ARHGAP24: variants seen among roughly 807,000 people sequenced by gnomAD.
ARHGAP24 encodes the protein Rho GTPase activating protein 24.
A neutral mutation model predicts 76.4 loss-of-function variants in ARHGAP24; 50 were observed. The ratio of observed to expected loss-of-function variants is 0.65; its 90% CI spans 0.52 to 0.83. The LOEUF is 0.83. Ranked by LOEUF, ARHGAP24 falls within the 40% of genes least tolerant of loss-of-function variation. ARHGAP24 has a pLI of 0.00. For synonymous variants in ARHGAP24, 345 were observed against 323.3 expected (o/e 1.07, Z -0.72); for missense variants, 930 against 914.2 (o/e 1.02, Z -0.22).
At chr4:85,775,150 G>A (rs953538077) in intron 3 of ARHGAP24, among the ~76,000 whole-genome samples, 5 of 152,110 alleles carry the variant, frequency 3.3e-5, no homozygotes, top group Admixed American at 3.3e-4. Context: ...TGGGGAAATG[G>A]GATAGAGGGT....
rs1723405078 is a variant in ARHGAP24, at chr4:85,492,647, C to CTA, written c.-21+17090_-21+17091dup. On this transcript the variant is annotated intron_variant, in intron 1 of 9. Transcript: ENST00000395184. ...TGATACTTATTGCTACTGAGATTTA[C>CTA]TATCAAAGAGAGTCACTATTCAGTG... Among the ~76,000 whole-genome samples the CTA allele has an allele frequency of 5.3e-5, 8 of 152,210 alleles. No homozygotes were observed. In the South Asian group the frequency reaches 1.7e-3, roughly 32 times the overall value.
At chr4:85,530,863 A>G (rs543187618) in intron 1 of ARHGAP24, among the ~76,000 whole-genome samples, 8 of 152,066 alleles carry the variant, frequency 5.3e-5, no homozygotes, top group Non-Finnish European at 1.0e-4. Context: ...GAAAGAAATA[A>G]TTAATGAGTA....
At chr4:85,679,026 T>G (rs1414605773) in intron 2 of ARHGAP24, among the ~76,000 whole-genome samples, 1 of 152,110 alleles carries the variant, frequency 6.6e-6, no homozygotes, top group Admixed American at 6.5e-5. Context: ...ACGCAAAATA[T>G]AAGAACTCAA....
In ARHGAP24 at chr4:85,923,702, G is replaced by GA. The variant is rs1735859557; in HGVS notation, c.323_324insA (p.Ser108ArgfsTer5). The GA allele has an allele frequency of 6.2e-7, 1 of 1,613,838 alleles. No homozygotes were observed. The highest frequency in any genetic ancestry group is 1.1e-5 in the South Asian group (1 of 91,082). On this transcript the variant is annotated frameshift_variant, in exon 4 of 10. Transcript: ENST00000395184. LOFTEE classifies it high-confidence loss of function. The stretch of plus-strand genomic sequence containing the variant: ...CATGAAAGCTACCTCCTCATGGCAA[G>GA]CACCCAGAATGATATGGAAGACTGG...
chr4:86,001,219 G>GAA lies in ARHGAP24; in HGVS notation c.*498_*499dup. On this transcript the variant is annotated 3_prime_UTR_variant, in exon 10 of 10. Transcript: ENST00000395184. Reference sequence around the variant, plus strand: ...AATATATGAGTTATTAAAATCAGAAGAATACTTTGTGGCTGTGCTGTTTGT... The same window carrying GAA: ...AATATATGAGTTATTAAAATCAGAAGAAAATACTTTGTGGCTGTGCTGTTTGT... 1 of 398,846 alleles carries GAA rather than the reference G, an allele frequency of 2.5e-6. No individual in the cohort carries two copies. The highest frequency in any genetic ancestry group is 3.6e-5 in the East Asian group (1 of 28,078). The allele number at this position is 398,846 out of a possible 1,614,324, so 24.7% of individuals were successfully genotyped here.
chr4:85,787,176 A>G (rs972442305), intron 3 of ARHGAP24, among the ~76,000 whole-genome samples: 17 of 152,168 alleles, frequency 1.1e-4, no homozygotes, highest in African/African-American at 3.4e-4. Context: ...TAATTAAGTG[A>G]CTGGAAAGTT....
chr4:85,564,329 T>G (rs1578039096), intron 1 of ARHGAP24, among the ~76,000 whole-genome samples: 5 of 140,282 alleles, frequency 3.6e-5, no homozygotes, highest in Admixed American at 7.4e-5. Context: ...CGCTCATAGG[T>G]GGGAATTGAG....
At chr4:85,700,022 C>G (rs7376882) in intron 2 of ARHGAP24, among the ~76,000 whole-genome samples, 1 of 152,186 alleles carries the variant, frequency 6.6e-6, no homozygotes, top group Non-Finnish European at 1.5e-5. Context: ...AGATTTTAAA[C>G]CTCATACTTA....
At chr4:85,927,695 C>A (rs1488516589) in intron 4 of ARHGAP24, among the ~76,000 whole-genome samples, 1 of 152,178 alleles carries the variant, frequency 6.6e-6, no homozygotes, top group African/African-American at 2.4e-5. Context: ...TCACAGTATA[C>A]CACCTTTGGA....
At chr4:85,971,336 T>G (rs918933917) in intron 5 of ARHGAP24, among the ~76,000 whole-genome samples, 2 of 152,242 alleles carry the variant, frequency 1.3e-5, no homozygotes, top group African/African-American at 4.8e-5. Context: ...GGTATTTTTT[T>G]GTAAATTTTA....
chr4:85,936,279 G>C (rs905684509), intron 4 of ARHGAP24, among the ~76,000 whole-genome samples: 17 of 152,090 alleles, frequency 1.1e-4, no homozygotes, highest in Non-Finnish European at 2.4e-4. Context: ...ATTTGACATT[G>C]GAATTATTCA....
chr4:85,698,654 G>A (rs1723959308), intron 2 of ARHGAP24, among the ~76,000 whole-genome samples: 1 of 152,158 alleles, frequency 6.6e-6, no homozygotes, highest in Non-Finnish European at 1.5e-5. Flanking sequence ...GAAGCTAAAA[G>A]TCTGAAACCA....
In ARHGAP24 at chr4:85,995,127, A is replaced by G; in HGVS notation, c.1473A>G (p.Thr491=). ...GCATGGGCATTTTGAACAGCGACACACTCGGGAACCCCACAAATGTTCGAA... is the reference window on the plus strand; with the variant it reads ...GCATGGGCATTTTGAACAGCGACACGCTCGGGAACCCCACAAATGTTCGAA... ...TVRMGILNSD[T]LGNPTNVRNM... The change falls in exon 9 of 10, where the codon ACA becomes ACG. Residue 491 remains threonine, a synonymous_variant. Transcript: ENST00000395184. 1 of 1,613,950 alleles carries G rather than the reference A, an allele frequency of 6.2e-7. No homozygotes were observed. Among genetic ancestry groups the G allele is most frequent in the Non-Finnish European group, 8.5e-7 (1 of 1,179,992 alleles).
intron 2 of ARHGAP24, among the ~76,000 whole-genome samples, chr4:85,654,583 T>C (rs2109984697): frequency 6.6e-6 from 1 of 152,272 alleles, no homozygotes; most frequent in Admixed American, 6.5e-5. Flanking sequence ...CTGCATACCA[T>C]TACCTTTCTT....
At chr4:85,728,795 A>C (rs1300594067) in intron 3 of ARHGAP24, among the ~76,000 whole-genome samples, 1 of 152,192 alleles carries the variant, frequency 6.6e-6, no homozygotes, top group Admixed American at 6.5e-5. Flanking sequence ...TTGGGATAAT[A>C]ATGTAACAAC....
intron 3 of ARHGAP24, among the ~76,000 whole-genome samples, chr4:85,724,489 GTGTA>G (rs1406176221): frequency 0.022 from 2,927 of 131,044 alleles, 130 homozygotes; most frequent in East Asian, 0.19. Flanking sequence ...TTTTCCATGT[GTGTA>G]TATATATATA....
chr4:85,804,065 C>T (rs1728689629), intron 3 of ARHGAP24, among the ~76,000 whole-genome samples: 1 of 151,948 alleles, frequency 6.6e-6, no homozygotes, highest in Non-Finnish European at 1.5e-5. Context: ...TACACTCCTG[C>T]TTCAGCCTCC....
intron 1 of ARHGAP24, among the ~76,000 whole-genome samples, chr4:85,507,942 A>G (rs1427079018): frequency 6.6e-6 from 1 of 152,146 alleles, no homozygotes; most frequent in Non-Finnish European, 1.5e-5. Flanking sequence ...TATCTAAAAT[A>G]TGATTAAATC....
At chr4:85,608,005 G>T in intron 2 of ARHGAP24, among the ~76,000 whole-genome samples, 1 of 152,020 alleles carries the variant, frequency 6.6e-6, no homozygotes, top group East Asian at 1.9e-4. Flanking sequence ...CACAAAATGT[G>T]CCAGAGGTAG....
Sources: allele counts gnomAD v4.1 joint callset (sites outside exome capture counted in the v4.1 genomes callset), GRCh38; gene constraint gnomAD v4.1.1; transcripts MANE v1.5; gene names NCBI Gene and HGNC (gene_info 2026-07-23, HGNC 2026-07-21).